The following UNC13C variants were observed in gnomAD, a reference collection of about 807,000 sequenced individuals.
The protein encoded by UNC13C is unc-13 homolog C.
UNC13C carries 174 observed loss-of-function variants against 245.4 expected under a neutral mutation model. The observed-to-expected ratio is 0.71, with a 90% CI of 0.63 to 0.80. The LOEUF is 0.80. UNC13C is among the 30% of genes least tolerant of loss of function. UNC13C has a pLI of 0.00. For missense variants in UNC13C, 2,829 were observed against 2,602.9 expected, an observed-to-expected ratio of 1.09 and a Z score of -1.89; for synonymous variants, 992 against 895.1, an observed-to-expected ratio of 1.11 and a Z score of -1.93.
intron 17 of UNC13C, among the ~76,000 whole-genome samples, chr15:54,373,848 G>T (rs1441676501): frequency 6.6e-6 from 1 of 152,156 alleles, no homozygotes; most frequent in Non-Finnish European, 1.5e-5. Context: ...GGAAGAATGA[G>T]GTACACCGAC....
chr15:53,952,854 T>C, the UNC13C span, among the ~76,000 whole-genome samples: 1 of 152,180 alleles, frequency 6.6e-6, no homozygotes, highest in Non-Finnish European at 1.5e-5. Flanking sequence ...GTTCATAATA[T>C]TCAGGGCATA....
At chr15:53,949,199 G>GA in the UNC13C span, among the ~76,000 whole-genome samples, 1 of 152,146 alleles carries the variant, frequency 6.6e-6, no homozygotes, top group Non-Finnish European at 1.5e-5. Context: ...GTGCAGTTTG[G>GA]AGTATGGCTA....
intron 17 of UNC13C, among the ~76,000 whole-genome samples, chr15:54,375,456 G>A (rs1252066760): frequency 6.6e-6 from 1 of 152,096 alleles, no homozygotes; most frequent in Admixed American, 6.5e-5. Context: ...AGCCAACGGA[G>A]TACGGCAAAA....
At chr15:54,490,654 G>A (rs1893656972) in intron 19 of UNC13C, among the ~76,000 whole-genome samples, 3 of 151,556 alleles carry the variant, frequency 2.0e-5, no homozygotes, top group South Asian at 4.2e-4. Flanking sequence ...CAGGGATTGG[G>A]AAACTTTTTT....
intron 26 of UNC13C, among the ~76,000 whole-genome samples, chr15:54,541,968 G>A (rs941253415): frequency 2.6e-5 from 4 of 151,942 alleles, no homozygotes; most frequent in South Asian, 2.1e-4. Flanking sequence ...AATACACATC[G>A]GGGTGAGGGT....
chr15:54,169,008 T>C (rs2141280340), intron 4 of UNC13C, among the ~76,000 whole-genome samples: 1 of 152,336 alleles, frequency 6.6e-6, no homozygotes, highest in African/African-American at 2.4e-5. Context: ...TTAACTCAGT[T>C]GGACAAGTGT....
intron 2 of UNC13C, among the ~76,000 whole-genome samples, chr15:54,026,951 C>A (rs1190083230): frequency 6.6e-6 from 1 of 152,090 alleles, no homozygotes; most frequent in Non-Finnish European, 1.5e-5. Context: ...TTGTTTCCAA[C>A]TTTGATAATG....
At chr15:54,234,857 T>G (rs1596056301) in intron 4 of UNC13C, among the ~76,000 whole-genome samples, 173 bp from the exon 5 acceptor site, 2 of 152,184 alleles carry the variant, frequency 1.3e-5, no homozygotes, top group East Asian at 3.8e-4. Context: ...ACAGTCTTTT[T>G]TCCTCACTCA....
chr15:53,902,151 A>C, the UNC13C span, among the ~76,000 whole-genome samples: 2 of 152,074 alleles, frequency 1.3e-5, no homozygotes, highest in Non-Finnish European at 2.9e-5. Context: ...GTATAATAAT[A>C]CTTAAATTTG....
chr15:53,939,588 A>G, the UNC13C span, among the ~76,000 whole-genome samples: 277 of 152,322 alleles, frequency 1.8e-3, 2 homozygotes, highest in South Asian at 0.012. Context: ...AAAATCCTCA[A>G]TAAAATACTA....
At chr15:54,115,882 T>C (rs1179963693) in intron 2 of UNC13C, among the ~76,000 whole-genome samples, 2 of 152,042 alleles carry the variant, frequency 1.3e-5, no homozygotes, top group Admixed American at 6.6e-5. Context: ...GGTATGACTT[T>C]GATGACCTGG....
At chr15:54,047,475 A>G (rs1422310416) in intron 2 of UNC13C, among the ~76,000 whole-genome samples, 1 of 152,048 alleles carries the variant, frequency 6.6e-6, no homozygotes, top group Admixed American at 6.6e-5. Flanking sequence ...GATCTTGCCT[A>G]TGCTAGTACC....
chr15:54,164,503 A>G (rs2033096474), intron 4 of UNC13C, among the ~76,000 whole-genome samples: 1 of 152,214 alleles, frequency 6.6e-6, no homozygotes, highest in Non-Finnish European at 1.5e-5. Context: ...AATCTAAATA[A>G]ATAAGTAAAT....
chr15:54,030,833 A>G (rs185257641), intron 2 of UNC13C, among the ~76,000 whole-genome samples: 1 of 152,316 alleles, frequency 6.6e-6, no homozygotes, highest in African/African-American at 2.4e-5. Context: ...GGGATGAACT[A>G]TCTTTATTAA....
intron 17 of UNC13C, among the ~76,000 whole-genome samples, chr15:54,374,339 G>T (rs1048708241): frequency 7.2e-5 from 11 of 152,040 alleles, no homozygotes; most frequent in Admixed American, 6.6e-4. Flanking sequence ...CAGGCTGTTT[G>T]TACTGAGGGA....
intron 1 of UNC13C, among the ~76,000 whole-genome samples, chr15:54,002,734 T>G (rs12594284): frequency 0.27 from 40,851 of 152,136 alleles, 5,887 homozygotes; most frequent in South Asian, 0.38. Flanking sequence ...TCTTTTAATC[T>G]CAAACAGTTT....
At chr15:54,613,180 G>A (rs929897709) in intron 30 of UNC13C, among the ~76,000 whole-genome samples, 1 of 151,678 alleles carries the variant, frequency 6.6e-6, no homozygotes, top group African/African-American at 2.4e-5. Context: ...TAGCCAATTA[G>A]TATATAAAAT....
chr15:54,632,494 T>A (rs2141333617), downstream of UNC13C: 1 of 152,258 alleles, frequency 6.6e-6, no homozygotes, highest in African/African-American at 2.4e-5. Context: ...CTATGAACCG[T>A]TTTGAGGTTA....
chr15:53,960,356 T>G, the UNC13C span, among the ~76,000 whole-genome samples: 1 of 150,618 alleles, frequency 6.6e-6, no homozygotes, highest in Admixed American at 6.6e-5. Flanking sequence ...TTTTCCTAAA[T>G]GGTAGCTTGG....
Sources: gnomAD v4.1 joint callset for allele counts (sites outside exome capture counted in the v4.1 genomes callset) on GRCh38, gnomAD v4.1.1 for gene constraint, MANE v1.5 for transcripts, NCBI Gene and HGNC (gene_info 2026-07-23, HGNC 2026-07-21) for gene names.